The following ARHGEF6 variants were observed in gnomAD, a reference collection of about 807,000 sequenced individuals.
The protein encoded by ARHGEF6 is Rac/Cdc42 guanine nucleotide exchange factor 6.
In ARHGEF6, 9 loss-of-function variants were observed where a neutral mutation model predicts 70.3. The observed-to-expected ratio is 0.13, with a 90% confidence interval of 0.08 to 0.22. The LOEUF is 0.22. Among genes scored for constraint, ARHGEF6 ranks in the 10% least tolerant of loss-of-function variants. The probability of loss-of-function intolerance (pLI) is 1.00; values close to 1 mark genes in which losing one functional copy is unlikely to be tolerated. For synonymous variants in ARHGEF6, 201 were observed against 207.8 expected (o/e 0.97, Z 0.28); for missense variants, 470 against 563.0 (o/e 0.83, Z 1.67).
chrX:136,736,618 G>GATGTGTGTGT (rs58741198), intron 5 of ARHGEF6, among the ~76,000 whole-genome samples: 4 of 103,707 alleles, frequency 3.9e-5, no homozygotes, highest in Admixed American at 2.0e-4. Flanking sequence ...GTTAAAAAGA[G>GATGTGTGTGT]GTGTGTGTGT....
At chrX:136,741,525 C>CTT (rs151204948) in intron 5 of ARHGEF6, among the ~76,000 whole-genome samples, 8 of 96,321 alleles carry the variant, frequency 8.3e-5, no homozygotes, top group Admixed American at 1.1e-4. Flanking sequence ...ATTTTCTTTT[C>CTT]TTTTTTTTTT....
At chrX:136,688,927 G>T (rs1173651586) in intron 10 of ARHGEF6, among the ~76,000 whole-genome samples, 4 of 111,418 alleles carry the variant, frequency 3.6e-5, no homozygotes, top group Non-Finnish European at 7.5e-5. Flanking sequence ...GGAAGACACA[G>T]ATTCTTATGG....
chrX:136,702,392 TATAA>T (rs1168574705), intron 9 of ARHGEF6, among the ~76,000 whole-genome samples: 1 of 112,422 alleles, frequency 8.9e-6, no homozygotes, highest in Non-Finnish European at 1.9e-5. Flanking sequence ...AATCCAAATA[TATAA>T]ATAATCACTT....
chrX:136,671,901 G>C (rs1249311657), intron 20 of ARHGEF6, 119 bp downstream of exon 20: 3 of 592,599 alleles, frequency 5.1e-6, no homozygotes, highest in Non-Finnish European at 8.8e-6. Flanking sequence ...AAAGCAGGCC[G>C]CATTCCCAGG....
chrX:136,719,084 C>G (rs1361412127), intron 6 of ARHGEF6, among the ~76,000 whole-genome samples: 1 of 105,281 alleles, frequency 9.5e-6, no homozygotes, highest in East Asian at 3.0e-4. Flanking sequence ...GTAGTTGAGA[C>G]TTCAATACCC....
chrX:136,760,398 G>GT (rs1468900255), intron 2 of ARHGEF6, among the ~76,000 whole-genome samples: 114 of 112,511 alleles, frequency 1.0e-3, no homozygotes, highest in African/African-American at 3.5e-3. Flanking sequence ...TGGGGCTGGA[G>GT]TAGGGAATAG....
chrX:136,698,437 A>G (rs12014614), intron 9 of ARHGEF6, among the ~76,000 whole-genome samples: 1,909 of 111,774 alleles, frequency 0.017, 46 homozygotes, highest in African/African-American at 0.058. Flanking sequence ...AGTAGGATAA[A>G]TGCAAAGAGG....
chrX:136,725,216 A>G (rs745615489), intron 6 of ARHGEF6, among the ~76,000 whole-genome samples: 9 of 111,484 alleles, frequency 8.1e-5, no homozygotes, highest in African/African-American at 2.6e-4. Context: ...AGGCACGCAG[A>G]CACTTCCTGC....
intron 6 of ARHGEF6, among the ~76,000 whole-genome samples, chrX:136,727,329 CTTTCTT>C (rs1569410781): frequency 8.4e-3 from 247 of 29,292 alleles, no homozygotes; most frequent in Admixed American, 0.013. Context: ...CTTTCTTTTT[CTTTCTT>C]TCTTTCTTTC....
chrX:136,744,333 A>G (rs1256305659), intron 4 of ARHGEF6, among the ~76,000 whole-genome samples: 1 of 111,828 alleles, frequency 8.9e-6, no homozygotes, highest in Non-Finnish European at 1.9e-5. Flanking sequence ...ATTTTTATAG[A>G]TTTAGGGGGT....
intron 6 of ARHGEF6, among the ~76,000 whole-genome samples, chrX:136,720,034 G>A (rs747229450): frequency 9.0e-6 from 1 of 111,563 alleles, no homozygotes; most frequent in South Asian, 3.7e-4. Flanking sequence ...AGCCCAGATA[G>A]GTTCACTGGT....
chrX:136,747,185 ACT>A (rs1336161352), intron 3 of ARHGEF6, among the ~76,000 whole-genome samples: 1 of 110,347 alleles, frequency 9.1e-6, no homozygotes, highest in Non-Finnish European at 1.9e-5. Context: ...TATTTTGTAA[ACT>A]CTATGAAAAA....
At chrX:136,726,840 G>C (rs2076857704) in intron 6 of ARHGEF6, among the ~76,000 whole-genome samples, 1 of 112,882 alleles carries the variant, frequency 8.9e-6, no homozygotes, top group Admixed American at 9.3e-5. Context: ...TGAATATTAG[G>C]ATTACTGTGA....
At chrX:136,748,447 T>C (rs1232379473) in intron 2 of ARHGEF6, among the ~76,000 whole-genome samples, 1 of 112,788 alleles carries the variant, frequency 8.9e-6, no homozygotes, top group African/African-American at 3.2e-5. Context: ...ATTTACCTGT[T>C]ACCTTTGAAA....
intron 9 of ARHGEF6, among the ~76,000 whole-genome samples, chrX:136,703,733 G>C (rs1237845037): frequency 8.9e-6 from 1 of 112,247 alleles, no homozygotes; most frequent in Non-Finnish European, 1.9e-5. Context: ...TGTTGGTCAG[G>C]CTGGTCTCAA....
At chrX:136,764,410 A>T (rs780837251) in intron 2 of ARHGEF6, among the ~76,000 whole-genome samples, 2 of 112,326 alleles carry the variant, frequency 1.8e-5, no homozygotes, top group African/African-American at 6.5e-5. Flanking sequence ...AAAACAAAAC[A>T]TGGTATATCC....
chrX:136,707,130 AT>A, intron 8 of ARHGEF6, 100 bp from the exon 9 acceptor site: 1 of 1,039,472 alleles, frequency 9.6e-7, no homozygotes, highest in Non-Finnish European at 1.3e-6. Context: ...CCTTCTGAAT[AT>A]TTTGCCAAGG....
At position 136,676,709 on chromosome X, in the gene ARHGEF6, A is replaced by G. The variant is rs2076284836; in HGVS notation, c.1860T>C (p.Ser620=). Residue 620 remains serine, a synonymous_variant, in exon 18 of 22, where the codon AGT becomes AGC. Transcript: ENST00000250617. ...ATTTCTTCATCGTTTTAGGGCTTTTACTAGACTCCTGTGAGGACAGAGGTT... is the reference window on the plus strand; with the variant it reads ...ATTTCTTCATCGTTTTAGGGCTTTTGCTAGACTCCTGTGAGGACAGAGGTT... ...ERMSYILKES[S]KSPKTMKKFL... 1 of 1,192,016 alleles carries G rather than the reference A, an allele frequency of 8.4e-7. No individual in the cohort carries two copies.
chrX:136,769,800 T>C (rs930677411), intron 2 of ARHGEF6, among the ~76,000 whole-genome samples: 2 of 112,342 alleles, frequency 1.8e-5, no homozygotes, highest in African/African-American at 6.5e-5. Flanking sequence ...TTCTTCCATA[T>C]ATTCTGGAAA....
Sources: gnomAD v4.1 joint callset for allele counts (sites outside exome capture counted in the v4.1 genomes callset) on GRCh38, gnomAD v4.1.1 for gene constraint, MANE v1.5 for transcripts, NCBI Gene and HGNC (gene_info 2026-07-23, HGNC 2026-07-21) for gene names.